SORCS3: variants seen among roughly 807,000 people sequenced by gnomAD.
SORCS3 encodes sortilin related VPS10 domain containing receptor 3.
SORCS3 carries 57 observed loss-of-function variants against 146.3 expected under a neutral mutation model. The ratio of observed to expected loss-of-function variants is 0.39; its 90% CI spans 0.31 to 0.49. The LOEUF is 0.49. Ranked by LOEUF, SORCS3 falls within the 20% of genes least tolerant of loss-of-function variation. SORCS3 has a pLI of 0.92. For synonymous variants in SORCS3, 653 were observed against 618.5 expected (o/e 1.06, Z -0.83); for missense variants, 1,341 against 1,575.5 (o/e 0.85, Z 2.52).
chr10:105,039,386 G>C (rs186649390), intron 4 of SORCS3, among the ~76,000 whole-genome samples: 3 of 151,220 alleles, frequency 2.0e-5, no homozygotes, highest in Admixed American at 1.3e-4. Context: ...AGCAAAACCA[G>C]AGATAGGCAA....
chr10:104,939,936 TCTGGATCCAGACA>T (rs946681326), intron 3 of SORCS3, among the ~76,000 whole-genome samples: 4 of 151,798 alleles, frequency 2.6e-5, no homozygotes, highest in African/African-American at 7.3e-5. Context: ...CGGAAAGGGG[TCTGGATCCAGACA>T]CCAAGGGAGG....
intron 1 of SORCS3, among the ~76,000 whole-genome samples, chr10:104,828,801 T>A (rs1438982416): frequency 1.3e-5 from 2 of 152,182 alleles, no homozygotes; most frequent in African/African-American, 4.8e-5. Flanking sequence ...TTCGGGAGAT[T>A]GCTTTCATTA....
At chr10:104,997,484 G>C (rs1168255593) in intron 4 of SORCS3, among the ~76,000 whole-genome samples, 12 of 152,112 alleles carry the variant, frequency 7.9e-5, no homozygotes, top group Non-Finnish European at 1.6e-4. Context: ...GTCTAGATCA[G>C]GCAATACCCT....
chr10:105,171,593 A>G (rs1189952792), intron 13 of SORCS3, among the ~76,000 whole-genome samples: 1 of 152,222 alleles, frequency 6.6e-6, no homozygotes, highest in African/African-American at 2.4e-5. Context: ...TTTCAAATGA[A>G]AACAATAGTT....
chr10:104,805,212 A>G (rs974217818), intron 1 of SORCS3, among the ~76,000 whole-genome samples: 4 of 152,202 alleles, frequency 2.6e-5, no homozygotes, highest in African/African-American at 9.6e-5. Flanking sequence ...TATTGGGGTT[A>G]TAGGAGAGAT....
At chr10:105,038,194 G>C (rs959436258) in intron 4 of SORCS3, among the ~76,000 whole-genome samples, 3 of 152,204 alleles carry the variant, frequency 2.0e-5, no homozygotes, top group Non-Finnish European at 4.4e-5. Flanking sequence ...CATGTGGCAG[G>C]ATATGGAAGA....
At position 104,641,903 on chromosome 10, in the gene SORCS3, G is replaced by C; in HGVS notation, c.576G>C (p.Gly192=). 6.3e-7 allele frequency: 1 copy of C among 1,597,576 alleles called. No individual in the cohort carries two copies. The highest frequency in any genetic ancestry group is 1.1e-5 in the South Asian group (1 of 89,750). Residue 192 remains glycine (G), a synonymous_variant, in exon 1 of 27, where the codon GGG becomes GGC. Coordinates refer to ENST00000369701, the MANE Select transcript of SORCS3 (RefSeq NM_014978.3). The surrounding 1 kb of genome is among the most constrained non-coding windows in gnomAD (Gnocchi z 6.4). ...CCAGCACCTCCTTCGCGCTGACCGG[G>C]GACTCGGCCCACAACCAAGCCATGG... ...RLPSTSFALT[G]DSAHNQAMVH...
At chr10:104,642,013 GGTGGGTGGGA>G in intron 1 of SORCS3, 59 bp downstream of exon 1, 1 of 1,404,048 alleles carries the variant, frequency 7.1e-7, no homozygotes, top group Non-Finnish European at 9.5e-7. Context: ...GGAATGGGGG[GGTGGGTGGGA>G]GCGAGGGACA....
chr10:104,706,709 G>A (rs906227683), intron 1 of SORCS3, among the ~76,000 whole-genome samples: 1 of 152,104 alleles, frequency 6.6e-6, no homozygotes, highest in African/African-American at 2.4e-5. Flanking sequence ...CCTATAGGGA[G>A]GCACTCACAA....
chr10:104,976,470 A>C (rs1238874869), intron 3 of SORCS3, among the ~76,000 whole-genome samples: 4 of 152,210 alleles, frequency 2.6e-5, no homozygotes, highest in African/African-American at 9.7e-5. Flanking sequence ...GGGGGACTGT[A>C]AACTAGTTCA....
intron 1 of SORCS3, among the ~76,000 whole-genome samples, chr10:104,668,457 T>A (rs1008611062): frequency 4.6e-5 from 7 of 152,298 alleles, no homozygotes; most frequent in Middle Eastern, 6.8e-3. Context: ...AGCCTCTTAC[T>A]AGCTATATGG....
chr10:105,107,845 C>G (rs1054243568), intron 7 of SORCS3, among the ~76,000 whole-genome samples: 2 of 152,058 alleles, frequency 1.3e-5, no homozygotes, highest in Non-Finnish European at 2.9e-5. Flanking sequence ...GAGTCCAAAA[C>G]CTGGCATTTG....
chr10:104,824,181 G>A (rs904879600), intron 1 of SORCS3, among the ~76,000 whole-genome samples: 12 of 152,098 alleles, frequency 7.9e-5, no homozygotes, highest in African/African-American at 2.4e-4. Flanking sequence ...TTTTAAATTC[G>A]TGGTAATCTG....
chr10:105,062,127 T>G (rs773817123), intron 5 of SORCS3, among the ~76,000 whole-genome samples: 5 of 152,184 alleles, frequency 3.3e-5, no homozygotes, highest in Non-Finnish European at 7.3e-5. Flanking sequence ...AACAATGAAA[T>G]AATACATGAA....
chr10:105,252,789 A>G lies in SORCS3; in HGVS notation c.3120A>G (p.Pro1040=). The G allele has an allele frequency of 6.2e-7, 1 of 1,614,000 alleles. No homozygotes were observed. Among genetic ancestry groups the G allele is most frequent in the South Asian group, 1.1e-5 (1 of 91,046 alleles). ...KRALVKVTSV[P]EDQILIAVFP... ...CATCTTTGCAGGTAACCAGTGTCCCAGAGGACCAGATCCTCATTGCCGTGT... is the reference window on the plus strand; with the variant it reads ...CATCTTTGCAGGTAACCAGTGTCCCGGAGGACCAGATCCTCATTGCCGTGT... Residue 1040 remains proline, a synonymous_variant, in exon 23 of 27, where the codon CCA becomes CCG. Coordinates refer to ENST00000369701, the MANE Select transcript of SORCS3 (RefSeq NM_014978.3).
chr10:105,158,814 G>A, intron 10 of SORCS3, 78 bp from the exon 11 acceptor site: 3 of 1,092,056 alleles, frequency 2.7e-6, no homozygotes, highest in South Asian at 1.3e-5. Flanking sequence ...CTGAACATCG[G>A]GAAGCCCATC....
chr10:105,212,283 A>G (rs1316857995), intron 17 of SORCS3, among the ~76,000 whole-genome samples: 1 of 152,240 alleles, frequency 6.6e-6, no homozygotes, highest in Non-Finnish European at 1.5e-5. Context: ...GCTAAGGCTC[A>G]AGGATCTTTG....
At chr10:104,849,097 T>C (rs80119540) in intron 2 of SORCS3, among the ~76,000 whole-genome samples, 6,409 of 152,200 alleles carry the variant, frequency 0.042, 183 homozygotes, top group Middle Eastern at 0.071. Context: ...TATTTTTCCA[T>C]TGGGATGTGT....
At chr10:104,877,826 CTG>C (rs1564704058) in intron 2 of SORCS3, among the ~76,000 whole-genome samples, 1 of 152,162 alleles carries the variant, frequency 6.6e-6, no homozygotes, top group Non-Finnish European at 1.5e-5. Context: ...ACATAGGAAA[CTG>C]TATATTTAAC....
Sources: allele counts gnomAD v4.1 joint callset (sites outside exome capture counted in the v4.1 genomes callset), GRCh38; gene constraint gnomAD v4.1.1; non-coding constraint Gnocchi (gnomAD v3.1); transcripts MANE v1.5; gene names NCBI Gene and HGNC (gene_info 2026-07-23, HGNC 2026-07-21).